The following CPA6 variants were observed in gnomAD, a reference collection of about 807,000 sequenced individuals.
CPA6 encodes the protein carboxypeptidase B.
CPA6 carries 58 observed loss-of-function variants against 63.3 expected under a neutral mutation model. That is an observed-to-expected ratio of 0.92 (90% CI 0.74 to 1.14). The LOEUF (loss-of-function observed/expected upper bound fraction) is 1.14. Ranked by LOEUF, CPA6 falls within the 50% of genes most tolerant of loss-of-function variation. The pLI is 0.00. For missense variants in CPA6, 565 were observed against 526.6 expected (o/e 1.07, Z -0.71); for synonymous variants, 185 against 179.0 (o/e 1.03, Z -0.27).
chr8:67,670,718 C>T (rs1410304553), intron 1 of CPA6, among the ~76,000 whole-genome samples: 1 of 152,140 alleles, frequency 6.6e-6, no homozygotes, highest in Non-Finnish European at 1.5e-5. Flanking sequence ...GGCCTACTAG[C>T]AGTGGTGTGT....
intron 8 of CPA6, among the ~76,000 whole-genome samples, chr8:67,460,051 T>C (rs1337852487): frequency 6.6e-6 from 1 of 152,216 alleles, no homozygotes; most frequent in Admixed American, 6.5e-5. Flanking sequence ...TTTCCCACTC[T>C]CACCCAGTCA....
At chr8:67,566,124 A>G (rs983138112) in intron 2 of CPA6, among the ~76,000 whole-genome samples, 1 of 152,220 alleles carries the variant, frequency 6.6e-6, no homozygotes, top group African/African-American at 2.4e-5. Flanking sequence ...ATAATAGCCA[A>G]TTCTCCAGTG....
intron 1 of CPA6, among the ~76,000 whole-genome samples, chr8:67,668,612 G>T (rs1344914709): frequency 6.6e-6 from 1 of 152,134 alleles, no homozygotes; most frequent in Non-Finnish European, 1.5e-5. Flanking sequence ...TAGGAACAAA[G>T]GATACCTGTT....
At chr8:67,527,786 C>T (rs1231630786) in intron 2 of CPA6, among the ~76,000 whole-genome samples, 1 of 152,182 alleles carries the variant, frequency 6.6e-6, no homozygotes, top group Non-Finnish European at 1.5e-5. Flanking sequence ...GCTGAAAGAA[C>T]TTTTTCATAA....
intron 1 of CPA6, among the ~76,000 whole-genome samples, chr8:67,651,445 TTTTA>T (rs539793615): frequency 2.0e-5 from 3 of 152,274 alleles, no homozygotes; most frequent in South Asian, 4.1e-4. Flanking sequence ...CGCCATTTCC[TTTTA>T]TTTATTTATT....
chr8:67,447,316 T>A (rs557613739), intron 8 of CPA6, among the ~76,000 whole-genome samples: 1 of 152,324 alleles, frequency 6.6e-6, no homozygotes, highest in South Asian at 2.1e-4. Context: ...TTGGGAATTA[T>A]GCTTATTTCT....
intron 1 of CPA6, among the ~76,000 whole-genome samples, chr8:67,737,053 T>G (rs2129003796): frequency 6.6e-6 from 1 of 152,340 alleles, no homozygotes; most frequent in African/African-American, 2.4e-5. Flanking sequence ...TCTTCCCTTT[T>G]CAATGATGGC....
chr8:67,545,750 A>G (rs1164987155), intron 2 of CPA6, among the ~76,000 whole-genome samples: 1 of 151,394 alleles, frequency 6.6e-6, no homozygotes, highest in Non-Finnish European at 1.5e-5. Flanking sequence ...TTTAGTAGAG[A>G]CAGGGTTTCT....
chr8:67,673,390 T>TGA (rs1248669612), intron 1 of CPA6, among the ~76,000 whole-genome samples: 1 of 99,652 alleles, frequency 1.0e-5, no homozygotes, highest in African/African-American at 6.3e-5. Context: ...ATTTATTTAT[T>TGA]TTTTTTTTTT....
intron 1 of CPA6, among the ~76,000 whole-genome samples, chr8:67,684,824 T>C (rs1391330498): frequency 1.3e-5 from 2 of 152,170 alleles, no homozygotes; most frequent in African/African-American, 4.8e-5. Flanking sequence ...ATCAGTCTTC[T>C]TATTCTCTAT....
chr8:67,710,090 G>C (rs982547432), intron 1 of CPA6, among the ~76,000 whole-genome samples: 2 of 151,154 alleles, frequency 1.3e-5, no homozygotes, highest in South Asian at 2.1e-4. Flanking sequence ...TCTAGCCTGG[G>C]CAACAGAGCG....
chr8:67,468,935 A>AATGCAAGG (rs1810993667), intron 8 of CPA6, among the ~76,000 whole-genome samples: 1 of 152,068 alleles, frequency 6.6e-6, no homozygotes, highest in African/African-American at 2.4e-5. Flanking sequence ...CCTTACCTAG[A>AATGCAAGG]ATGCCCTCTT....
intron 1 of CPA6, among the ~76,000 whole-genome samples, chr8:67,670,119 G>C (rs185165774): frequency 1.3e-4 from 20 of 152,266 alleles, no homozygotes; most frequent in African/African-American, 4.6e-4. Context: ...ATGCCTATTA[G>C]CACACGTATT....
intron 8 of CPA6, among the ~76,000 whole-genome samples, chr8:67,471,231 C>T (rs890749819): frequency 3.3e-5 from 5 of 152,154 alleles, no homozygotes; most frequent in African/African-American, 1.2e-4. Context: ...ACTTCCTCCC[C>T]TCCCAAGCGT....
At chr8:67,618,816 G>C (rs935494110) in intron 2 of CPA6, among the ~76,000 whole-genome samples, 2 of 152,192 alleles carry the variant, frequency 1.3e-5, no homozygotes, top group African/African-American at 4.8e-5. Context: ...GCAAAGAGAC[G>C]TAGGCAGAAT....
Position 67,526,343 on chromosome 8 carries a change from A to G in CPA6, c.193-8296T>C, listed in dbSNP as rs143308966. On this transcript the variant is annotated intron_variant, in intron 2 of 10. Transcript: ENST00000297770. ...AGCCAGAAAAGGGATAAGCTTGGTGATTTTTCTGAAATAGACATGTTTTTT... is the reference window on the plus strand; with the variant it reads ...AGCCAGAAAAGGGATAAGCTTGGTGGTTTTTCTGAAATAGACATGTTTTTT... Among the ~76,000 whole-genome samples the G allele has an allele frequency of 5.9e-5, 9 of 152,160 alleles. No individual in the cohort carries two copies. The East Asian group carries it at 1.7e-3, about 29-fold the overall frequency.
chr8:67,647,335 C>CTTTCTTTT (rs576153485), intron 1 of CPA6, among the ~76,000 whole-genome samples: 1 of 145,180 alleles, frequency 6.9e-6, no homozygotes, highest in Non-Finnish European at 1.5e-5. Context: ...ATAGGATAAT[C>CTTTCTTTT]TTTTTTTTTT....
At position 67,607,169 on chromosome 8, in the gene CPA6, C is replaced by CTCTTCTTCTTCTTCT. The variant is rs1211819002; in HGVS notation, c.192+16992_192+17006dup. Among the ~76,000 whole-genome samples, 112 of 28,384 alleles carry CTCTTCTTCTTCTTCT rather than the reference C, an allele frequency of 3.9e-3. 1 individual carries two copies. Among genetic ancestry groups the CTCTTCTTCTTCTTCT allele is most frequent in the Middle Eastern group, 0.018 (1 of 56 alleles). 18.6% of individuals were successfully genotyped at this position (28,384 alleles called of 152,430 possible). On this transcript the variant is annotated intron_variant, in intron 2 of 10. Coordinates refer to ENST00000297770, the MANE Select transcript of CPA6 (RefSeq NM_020361.5). ...CCCCCCCCTCCTCTTCTTCTTCTTC[C>CTCTTCTTCTTCTTCT]TCTTCTTCTTCTTCTTCTTCTTCTT...
intron 2 of CPA6, among the ~76,000 whole-genome samples, chr8:67,538,300 C>G (rs778115068): frequency 5.3e-5 from 8 of 152,082 alleles, no homozygotes; most frequent in African/African-American, 7.2e-5. Context: ...AAGTCTCCCA[C>G]TATTAATGTG....
Sources: allele counts gnomAD v4.1 joint callset (sites outside exome capture counted in the v4.1 genomes callset), GRCh38; gene constraint gnomAD v4.1.1; transcripts MANE v1.5; gene names NCBI Gene and HGNC (gene_info 2026-07-23, HGNC 2026-07-21).